DGUOK: variants seen among roughly 807,000 people sequenced by gnomAD.
The protein encoded by DGUOK is deoxyguanosine kinase, mitochondrial.
DGUOK carries 30 observed loss-of-function variants against 36.6 expected under a neutral mutation model. The observed-to-expected ratio is 0.82, with a 90% CI of 0.61 to 1.11. The LOEUF is 1.11. Among genes scored for constraint, DGUOK ranks in the 50% most tolerant of loss-of-function variants. DGUOK has a pLI of 0.00. For missense variants in DGUOK, 361 were observed against 336.4 expected (o/e 1.07, Z -0.57); for synonymous variants, 145 against 126.3 (o/e 1.15, Z -0.99).
intron 6 of DGUOK, 146 bp downstream of exon 6, chr2:73,958,391 T>G: frequency 1.4e-6 from 1 of 722,614 alleles, no homozygotes; most frequent in Non-Finnish European, 2.5e-6. Flanking sequence ...TGGAATCTTG[T>G]GCAGATTACA....
chr2:73,955,929 AGAT>A (rs1482671719), intron 4 of DGUOK, among the ~76,000 whole-genome samples: 6 of 152,220 alleles, frequency 3.9e-5, no homozygotes, highest in Admixed American at 1.3e-4. Context: ...CTTCCAGGAC[AGAT>A]GATATTGAAT....
chr2:73,947,931 G>A (rs1235354940), intron 3 of DGUOK: 1 of 152,044 alleles, frequency 6.6e-6, no homozygotes, highest in African/African-American at 2.4e-5. Context: ...CTTCCGGAAA[G>A]CCTCCTAGAA....
intron 2 of DGUOK, 66 bp from the exon 3 acceptor site, chr2:73,946,653 G>T: frequency 7.0e-7 from 1 of 1,420,260 alleles, no homozygotes; most frequent in Non-Finnish European, 9.9e-7. Context: ...TGTGTGTGGA[G>T]GGGTGTACCC....
intron 4 of DGUOK, among the ~76,000 whole-genome samples, chr2:73,956,460 T>C (rs1683099927): frequency 6.6e-6 from 1 of 152,196 alleles, no homozygotes. Flanking sequence ...AGGAAAGTCA[T>C]GTCATTATAT....
intron 3 of DGUOK, 22 bp downstream of exon 3, chr2:73,946,928 C>T (rs182536755): frequency 6.3e-7 from 1 of 1,596,822 alleles, no homozygotes; most frequent in Non-Finnish European, 8.5e-7. Flanking sequence ...AGCCCTCCAC[C>T]AGTCACAAGC....
Position 73,958,169 on chromosome 2 carries a change from A to G in DGUOK, c.731A>G (p.Asn244Ser). Reference sequence around the variant, plus strand: ...AGGCTCCACTTTGAGGCTCTGATGAACATTCCAGTGCTGGTGTTGGATGTC... The same window carrying G: ...AGGCTCCACTTTGAGGCTCTGATGAGCATTCCAGTGCTGGTGTTGGATGTC... Reference protein sequence around the residue: ...TTKLHFEALMNIPVLVLDVND... With the variant: ...TTKLHFEALMSIPVLVLDVND... Residue 244 changes from asparagine to serine, a missense_variant, in exon 6 of 7, where the codon AAC (asparagine) becomes AGC (serine). By Grantham distance (46) the Asn-to-Ser change is conservative (BLOSUM62 1). Transcript: ENST00000264093. 1 of 1,613,874 alleles carries G rather than the reference A, an allele frequency of 6.2e-7. No homozygotes were observed. Among genetic ancestry groups the G allele is most frequent in the Non-Finnish European group, 8.5e-7 (1 of 1,179,786 alleles).
chr2:73,931,271 TTTTG>T (rs756728137), intron 1 of DGUOK, among the ~76,000 whole-genome samples: 52 of 151,898 alleles, frequency 3.4e-4, no homozygotes, highest in Middle Eastern at 6.8e-3. Context: ...TTGGGGGTTT[TTTTG>T]TTTGTTTGTT....
intron 2 of DGUOK, among the ~76,000 whole-genome samples, chr2:73,943,382 G>A (rs910273169): frequency 6.1e-5 from 9 of 147,952 alleles, no homozygotes; most frequent in African/African-American, 2.0e-4. Context: ...GGCTGGTCTC[G>A]AACTCCTGGG....
intron 2 of DGUOK, among the ~76,000 whole-genome samples, chr2:73,945,213 G>C (rs552169321): frequency 6.6e-6 from 1 of 152,290 alleles, no homozygotes; most frequent in South Asian, 2.1e-4. Flanking sequence ...CTACTCATCA[G>C]TTACTTCCCA....
At chr2:73,938,643 T>G (rs1681660946) in intron 1 of DGUOK, among the ~76,000 whole-genome samples, 1 of 152,260 alleles carries the variant, frequency 6.6e-6, no homozygotes, top group East Asian at 1.9e-4. Context: ...TATTAAATGC[T>G]CTGCCTCTGG....
chr2:73,932,742 T>C, intron 1 of DGUOK: 1 of 956,844 alleles, frequency 1.0e-6, no homozygotes, highest in Non-Finnish European at 1.4e-6. Context: ...ATTCTGATCC[T>C]GAAGGTGCAG....
intron 1 of DGUOK, among the ~76,000 whole-genome samples, chr2:73,936,833 G>A (rs1681502386): frequency 6.6e-6 from 1 of 152,218 alleles, no homozygotes; most frequent in Admixed American, 6.5e-5. Context: ...GACAATTGCA[G>A]TGATGGAGTC....
rs566420198 is a variant in DGUOK at position 73,943,940 on chromosome 2, T to C, written c.256-2779T>C. ...GGGATTACAGGCATGAGCCACCATGTCCAGCCCCTAGGGAGAATTTCTTAA... is the reference window on the plus strand; with the variant it reads ...GGGATTACAGGCATGAGCCACCATGCCCAGCCCCTAGGGAGAATTTCTTAA... On this transcript the variant is annotated intron_variant, in intron 2 of 6. Transcript: ENST00000264093. 2.0e-5 allele frequency among the ~76,000 whole-genome samples: 3 copies of C among 152,136 alleles called. No homozygotes were observed. In the East Asian group the frequency reaches 5.8e-4, roughly 29 times the overall value.
At chr2:73,958,294 T>C (rs766784797) in intron 6 of DGUOK, 49 bp downstream of exon 6, 1 of 1,474,640 alleles carries the variant, frequency 6.8e-7, no homozygotes, top group Admixed American at 1.7e-5. Flanking sequence ...TTTGTTGTAC[T>C]TTTATCTTTC....
intron 4 of DGUOK, 150 bp from the exon 5 acceptor site, chr2:73,956,975 G>GTTCGCCGT: frequency 3.5e-6 from 2 of 568,346 alleles, no homozygotes; most frequent in South Asian, 2.2e-5. Flanking sequence ...TAGATCCTCT[G>GTTCGCCGT]ATTGCATAAG....
chr2:73,933,237 T>C (rs957064160), intron 1 of DGUOK, among the ~76,000 whole-genome samples: 7 of 152,240 alleles, frequency 4.6e-5, no homozygotes, highest in African/African-American at 1.7e-4. Flanking sequence ...AGCCTATTTA[T>C]TTCAAATACT....
intron 1 of DGUOK, among the ~76,000 whole-genome samples, chr2:73,937,592 G>C (rs1004165183): frequency 6.6e-6 from 1 of 152,222 alleles, no homozygotes; most frequent in Non-Finnish European, 1.5e-5. Flanking sequence ...TGGATGGTGT[G>C]TTCATACCCT....
At chr2:73,934,527 C>A (rs1573514329) in intron 1 of DGUOK, among the ~76,000 whole-genome samples, 1 of 152,078 alleles carries the variant, frequency 6.6e-6, no homozygotes, top group Middle Eastern at 3.4e-3. Flanking sequence ...CTGAGGCGGG[C>A]AGATCACCTG....
chr2:73,946,943 T>C, intron 3 of DGUOK, 37 bp downstream of exon 3: 1 of 1,558,680 alleles, frequency 6.4e-7, no homozygotes, highest in East Asian at 2.3e-5. Flanking sequence ...ACAAGCCCCA[T>C]GCTCAGTGCT....
Sources: gnomAD v4.1 joint callset for allele counts (sites outside exome capture counted in the v4.1 genomes callset) on GRCh38, gnomAD v4.1.1 for gene constraint, MANE v1.5 for transcripts, NCBI Gene and HGNC (gene_info 2026-07-23, HGNC 2026-07-21) for gene names.